Variants in ELF1 observed in about 807,000 individuals in gnomAD.
ELF1 encodes the protein ETS-related transcription factor Elf-1.
Under a neutral mutation model 59.9 loss-of-function variants are expected in ELF1, and 24 were observed. That is an observed-to-expected ratio of 0.40 (90% CI 0.29 to 0.56). The LOEUF is 0.56. ELF1 is among the 20% of genes least tolerant of loss of function. ELF1 has a pLI of 0.44. For synonymous variants in ELF1, 248 were observed against 266.2 expected, an observed-to-expected ratio of 0.93 and a Z score of 0.67; for missense variants, 627 against 742.2, an observed-to-expected ratio of 0.84 and a Z score of 1.80.
At chr13:40,940,179 G>C (rs181758149) in intron 8 of ELF1, among the ~76,000 whole-genome samples, 1 of 152,006 alleles carries the variant, frequency 6.6e-6, no homozygotes. Flanking sequence ...TTTTATTATG[G>C]TTCATGTTCT....
intron 8 of ELF1, among the ~76,000 whole-genome samples, chr13:40,938,010 T>A (rs1280676521): frequency 6.6e-6 from 1 of 150,884 alleles, no homozygotes; most frequent in African/African-American, 2.4e-5. Context: ...AGAGACGGGG[T>A]TTTGCCATAT....
At chr13:40,992,568 A>G (rs1338675812) in intron 1 of ELF1, among the ~76,000 whole-genome samples, 2 of 152,270 alleles carry the variant, frequency 1.3e-5, no homozygotes, top group Admixed American at 1.3e-4. Context: ...CACATTGCAC[A>G]TATGACATAT....
In ELF1 at chr13:40,984,000, C is replaced by T. The variant is rs1873426309; in HGVS notation, c.-228-1718G>A. ...TGCCTCAAACTACAAGGACTGCTCCCTTCAAAAACACAGCAATTACTGCCC... is the reference window on the plus strand; with the variant it reads ...TGCCTCAAACTACAAGGACTGCTCCTTTCAAAAACACAGCAATTACTGCCC... On this transcript the variant is annotated intron_variant, in intron 1 of 8. Coordinates refer to ENST00000239882, the MANE Select transcript of ELF1 (RefSeq NM_172373.4). Among the ~76,000 whole-genome samples, 4 of 152,188 alleles carry T rather than the reference C, an allele frequency of 2.6e-5. 1 individual carries two copies.
At position 40,951,732 on chromosome 13, in the gene ELF1, T is replaced by G. The variant is rs147479250; in HGVS notation, c.254-296A>C. On this transcript the variant is annotated intron_variant, in intron 3 of 8. Transcript: ENST00000239882. The stretch of plus-strand genomic sequence containing the variant: ...AATACAAAAAATTAGCTGGGCGTGG[T>G]GGCACGCACCTGTAGTCCCAGCTAC... 8.4e-3 allele frequency: 1,541 copies of G among 182,522 alleles called. 29 individuals carry two copies. The highest frequency in any genetic ancestry group is 0.034 in the African/African-American group (1,441 of 42,280). 11.3% of individuals were successfully genotyped at this position (182,522 alleles called of 1,614,324 possible).
At chr13:41,030,088 A>C (rs954682414) in intron 1 of ELF1, among the ~76,000 whole-genome samples, 3 of 151,734 alleles carry the variant, frequency 2.0e-5, no homozygotes, top group Non-Finnish European at 4.4e-5. Context: ...ATTAACATGT[A>C]TATAATATTA....
At chr13:41,055,990 TC>T (rs1430899663) in intron 1 of ELF1, among the ~76,000 whole-genome samples, 2 of 152,192 alleles carry the variant, frequency 1.3e-5, no homozygotes, top group Non-Finnish European at 2.9e-5. Flanking sequence ...ATTGCTTCAA[TC>T]CCTTTTAAGA....
At chr13:40,983,117 T>C (rs1593378403) in intron 1 of ELF1, among the ~76,000 whole-genome samples, 1 of 152,306 alleles carries the variant, frequency 6.6e-6, no homozygotes, top group South Asian at 2.1e-4. Context: ...AAGTTATCAA[T>C]ACTAACAAAA....
chr13:40,944,460 G>T (rs751389638), intron 5 of ELF1, among the ~76,000 whole-genome samples: 55 of 152,070 alleles, frequency 3.6e-4, no homozygotes, highest in Non-Finnish European at 6.5e-4. Context: ...GCAAAATTTT[G>T]GTGAACCACA....
chr13:41,038,217 AGGTGGC>A (rs1876464342), intron 1 of ELF1, among the ~76,000 whole-genome samples: 1 of 152,158 alleles, frequency 6.6e-6, no homozygotes, highest in Non-Finnish European at 1.5e-5. Flanking sequence ...AGGCCAGGTG[AGGTGGC>A]TCATGTCTGT....
chr13:41,045,117 A>G (rs1415054739), intron 1 of ELF1, among the ~76,000 whole-genome samples: 1 of 151,020 alleles, frequency 6.6e-6, no homozygotes, highest in Non-Finnish European at 1.5e-5. Context: ...GGTAGTTTTC[A>G]TTTCTGTGGT....
intron 1 of ELF1, among the ~76,000 whole-genome samples, chr13:41,012,075 G>T (rs2138366699): frequency 6.6e-6 from 1 of 152,208 alleles, no homozygotes. Context: ...GGGAGGCTAA[G>T]GTAGGCGGAT....
intron 8 of ELF1, among the ~76,000 whole-genome samples, chr13:40,938,823 G>T (rs1000955114): frequency 1.3e-5 from 2 of 151,914 alleles, no homozygotes; most frequent in South Asian, 2.1e-4. Flanking sequence ...AATCAAGAAA[G>T]ATATAGTCAA....
intron 8 of ELF1, among the ~76,000 whole-genome samples, chr13:40,935,261 T>C (rs1869687769): frequency 2.0e-5 from 3 of 152,252 alleles, no homozygotes; most frequent in African/African-American, 7.2e-5. Context: ...TATCTGGATG[T>C]CAACTGTTTC....
At position 41,046,047 on chromosome 13, in the gene ELF1, T is replaced by G. The variant is rs1028372037; in HGVS notation, c.-229+14791A>C. Among the ~76,000 whole-genome samples, 22 of 151,886 alleles carry G rather than the reference T, an allele frequency of 1.4e-4. 1 individual carries two copies. Among genetic ancestry groups the G allele is most frequent in the Non-Finnish European group, 2.9e-5 (2 of 67,800 alleles). On this transcript the variant is annotated intron_variant, in intron 1 of 1. Transcript: ENST00000405737. ...CCTTTACCATTATGTAATGGCCTTC[T>G]TTGTCTCTTTTGATCTTTGCTGGTT...
chr13:40,983,752 TTATTTA>T (rs1291964878), intron 1 of ELF1, among the ~76,000 whole-genome samples: 1 of 152,190 alleles, frequency 6.6e-6, no homozygotes, highest in Non-Finnish European at 1.5e-5. Flanking sequence ...GTACTTATTA[TTATTTA>T]TAATACCTTT....
At chr13:41,053,246 C>A (rs1182004716) in intron 1 of ELF1, among the ~76,000 whole-genome samples, 1 of 151,696 alleles carries the variant, frequency 6.6e-6, no homozygotes, top group Non-Finnish European at 1.5e-5. Context: ...CCCAGCTACT[C>A]ATGAGGCTGA....
intron 1 of ELF1, among the ~76,000 whole-genome samples, chr13:41,057,963 C>A (rs1234046421): frequency 2.0e-5 from 3 of 152,178 alleles, no homozygotes; most frequent in African/African-American, 7.2e-5. Flanking sequence ...AGATTTCATT[C>A]CTATAAAGTG....
intron 1 of ELF1, among the ~76,000 whole-genome samples, chr13:40,998,572 T>TA (rs1234049699): frequency 1.3e-5 from 2 of 152,364 alleles, no homozygotes; most frequent in Non-Finnish European, 2.9e-5. Context: ...GTGGTATTTA[T>TA]AAATTATACA....
In ELF1 at chr13:40,933,940, T is replaced by G. The variant is rs765000740; in HGVS notation, c.1345A>C (p.Thr449Pro). The change falls in exon 9 of 9, where the codon ACA becomes CCA. Residue 449 changes from threonine (T) to proline (P), a missense_variant. Around this residue, in one of 3 missense-constraint regions of ELF1, gnomAD observed 361 missense variants for 396.1 expected, o/e 0.91. Coordinates refer to ENST00000239882, the MANE Select transcript of ELF1 (RefSeq NM_172373.4). ...HTVTLQTVPL[T>P]TVIASTDPSA... is the part of the protein sequence containing the mutation. Reference sequence around the variant, plus strand: ...GGATCTGTGCTGGCTATAACTGTTGTGAGTGGCACTGTTTGGAGTGTTACT... The same window carrying G: ...GGATCTGTGCTGGCTATAACTGTTGGGAGTGGCACTGTTTGGAGTGTTACT... The G allele has an allele frequency of 1.9e-5, 30 of 1,614,148 alleles. No homozygotes were observed. The highest frequency in any genetic ancestry group is 2.5e-5 in the Non-Finnish European group (30 of 1,180,056).
Sources: gnomAD v4.1 joint callset for allele counts (sites outside exome capture counted in the v4.1 genomes callset) on GRCh38, gnomAD v4.1.1 for gene constraint, gnomAD v4.1.1 regional missense constraint, MANE v1.5 for transcripts, NCBI Gene and HGNC (gene_info 2026-07-23, HGNC 2026-07-21) for gene names.